Variants in STIL observed in about 807,000 individuals in gnomAD.
STIL encodes STIL centriolar assembly protein, also known as SCL-interrupting locus protein.
A neutral mutation model predicts 110.1 loss-of-function variants in STIL; 55 were observed. That is an observed-to-expected ratio of 0.50 (90% CI 0.40 to 0.63). The LOEUF (loss-of-function observed/expected upper bound fraction) is 0.63. Among genes scored for constraint, STIL ranks in the 20% least tolerant of loss-of-function variants. The pLI is 0.00. For missense variants in STIL, 1,358 were observed against 1,530.0 expected (o/e 0.89, Z 1.87); for synonymous variants, 481 against 530.0 (o/e 0.91, Z 1.27).
rs140593303 is a variant in STIL, at chr1:47,295,984, CAG to C, written c.702-138_702-137del. ...CGTTGTCTTGCACACACAAAAGAAA[CAG>C]AAACTTTTTACTGACTCAGTAAAAA... On this transcript the variant is annotated intron_variant, in intron 6 of 16. Transcript: ENST00000371877. 4.1e-3 allele frequency: 2,748 copies of C among 664,530 alleles called. 12 individuals carry two copies. The highest frequency in any genetic ancestry group is 0.011 in the African/African-American group (614 of 54,848). 41.2% of individuals were successfully genotyped at this position (664,530 alleles called of 1,614,324 possible). A position where few individuals can be genotyped will look rare whatever the true frequency, so the allele number is the denominator to read the frequency against.
rs745904390 is a variant in STIL, at chr1:47,263,045, C to A, written c.2687G>T (p.Ser896Ile). 7.4e-6 allele frequency: 12 copies of A among 1,614,076 alleles called. No homozygotes were observed. Residue 896 changes from serine to isoleucine, a missense_variant, in exon 15 of 17, where the codon AGT becomes ATT. Physicochemically the swap from Ser to Ile is moderately radical, Grantham distance 142. Coordinates refer to ENST00000371877, the MANE Select transcript of STIL (RefSeq NM_001048166.1). The stretch of plus-strand genomic sequence containing the variant: ...TCCAGTCTGTAAACACATGCTTACA[C>A]TTTCTGCCAGCTGGCCACTTGGAAA... The part of the protein sequence containing the change: ...VFFPSGQLAE[S>I]VSMCLQTGPT...
At chr1:47,305,881 G>A (rs545282584) in intron 2 of STIL, among the ~76,000 whole-genome samples, 3 of 151,514 alleles carry the variant, frequency 2.0e-5, no homozygotes, top group Admixed American at 1.3e-4. Flanking sequence ...ACAGGCGCCT[G>A]CCACCACACG....
At chr1:47,259,176 C>T (rs1359088499) in intron 16 of STIL, among the ~76,000 whole-genome samples, 4 of 150,516 alleles carry the variant, frequency 2.7e-5, no homozygotes, top group Admixed American at 6.6e-5. Flanking sequence ...TTAGTAGAGA[C>T]GGGGTTTCAC....
chr1:47,314,498 C>G (rs1334186152), upstream of STIL, among the ~76,000 whole-genome samples: 2 of 152,222 alleles, frequency 1.3e-5, no homozygotes, highest in Non-Finnish European at 2.9e-5. Flanking sequence ...CGGAAGTGCT[C>G]TATAAGATGA....
At position 47,280,429 on chromosome 1, in the gene STIL, G is replaced by T. The variant is rs185913484; in HGVS notation, c.2029C>A (p.His677Asn). Residue 677 changes from histidine to asparagine, a missense_variant, in exon 12 of 17, where the codon CAC becomes AAC. His to Asn is a moderately conservative substitution (Grantham distance 68). Transcript: ENST00000371877. The stretch of plus-strand genomic sequence containing the variant: ...ACAGGCGATGGTTCAATATTGCTGT[G>T]GGGAGAACAACTGCCCATATCTCCC... ...PQGDMGSCSP[H>N]SNIEPSPVAR... 6.2e-7 allele frequency: 1 copy of T among 1,614,214 alleles called. No homozygotes were observed. The highest frequency in any genetic ancestry group is 2.2e-5 in the East Asian group (1 of 44,888).
chr1:47,279,222 G>T (rs1645077918), intron 12 of STIL, among the ~76,000 whole-genome samples: 1 of 149,632 alleles, frequency 6.7e-6, no homozygotes, highest in Non-Finnish European at 1.5e-5. Flanking sequence ...GGCGGAGCTT[G>T]CAGTGAGCCG....
At chr1:47,254,655 C>T (rs1468287968) in intron 16 of STIL, among the ~76,000 whole-genome samples, 1 of 151,948 alleles carries the variant, frequency 6.6e-6, no homozygotes, top group African/African-American at 2.4e-5. Flanking sequence ...CTCAGCCTCC[C>T]AAGTAGCTGG....
At chr1:47,262,775 A>G (rs923938279) in intron 15 of STIL, 128 bp downstream of exon 15, 65 of 790,946 alleles carry the variant, frequency 8.2e-5, no homozygotes, top group Admixed American at 5.4e-5. Context: ...GAAAAATTAC[A>G]TTGTTAATTA....
intron 2 of STIL, among the ~76,000 whole-genome samples, chr1:47,309,322 G>C (rs1646055938): frequency 6.6e-6 from 1 of 151,872 alleles, no homozygotes; most frequent in Middle Eastern, 3.4e-3. Context: ...TGTCAACATG[G>C]GGTTTCCCCA....
At chr1:47,260,170 G>C in intron 16 of STIL, 119 bp downstream of exon 16, 1 of 1,059,388 alleles carries the variant, frequency 9.4e-7, no homozygotes, top group Non-Finnish European at 1.3e-6. Context: ...TAACTTTTCT[G>C]ATGAGATTGC....
At chr1:47,272,903 GATT>G (rs1211570521) in intron 12 of STIL, among the ~76,000 whole-genome samples, 1 of 152,092 alleles carries the variant, frequency 6.6e-6, no homozygotes, top group African/African-American at 2.4e-5. Flanking sequence ...TATCACACAA[GATT>G]ATTATAAAGG....
intron 16 of STIL, among the ~76,000 whole-genome samples, chr1:47,253,765 G>A (rs1320970128): frequency 6.6e-6 from 1 of 152,134 alleles, no homozygotes; most frequent in East Asian, 1.9e-4. Context: ...AAATTCAGCT[G>A]TTTTATATGT....
chr1:47,305,073 A>G lies in STIL; in HGVS notation c.45-77T>C, dbSNP rs781513753. ...GACATTTGGTAGGAAACAACTAACTATCTTTAAGGTGATGGTATTTTCAGA... is the reference window on the plus strand; with the variant it reads ...GACATTTGGTAGGAAACAACTAACTGTCTTTAAGGTGATGGTATTTTCAGA... On this transcript the variant is annotated intron_variant, in intron 2 of 16. Transcript: ENST00000371877. The G allele has an allele frequency of 2.5e-5, 23 of 936,186 alleles. No homozygotes were observed. The Admixed American group carries it at 4.0e-4, about 16-fold the overall frequency. 58.0% of individuals were successfully genotyped at this position (936,186 alleles called of 1,614,324 possible). A position where few individuals can be genotyped will look rare whatever the true frequency, so the allele number is the denominator to read the frequency against.
intron 16 of STIL, among the ~76,000 whole-genome samples, chr1:47,255,162 T>C (rs1644294757): frequency 6.6e-6 from 1 of 151,846 alleles, no homozygotes; most frequent in African/African-American, 2.4e-5. Flanking sequence ...AACCAAAGCA[T>C]ATAAACACTA....
chr1:47,268,306 C>T (rs1272487277), intron 14 of STIL, among the ~76,000 whole-genome samples: 2 of 151,898 alleles, frequency 1.3e-5, no homozygotes, highest in Admixed American at 6.6e-5. Flanking sequence ...ATTAGCTGGG[C>T]GTGGTGGCGC....
intron 14 of STIL, among the ~76,000 whole-genome samples, chr1:47,265,257 A>AAAAAAAAAAAAAAAG (rs1557714156): frequency 2.0e-5 from 3 of 150,870 alleles, no homozygotes; most frequent in East Asian, 4.0e-4. Context: ...AAAAAAAAAA[A>AAAAAAAAAAAAAAAG]AAACACAAGA....
intron 12 of STIL, among the ~76,000 whole-genome samples, chr1:47,277,144 A>C (rs575113281): frequency 6.6e-6 from 1 of 152,300 alleles, no homozygotes; most frequent in African/African-American, 2.4e-5. Flanking sequence ...TAAGGGCCTG[A>C]ATGATGAGAA....
chr1:47,302,602 GT>G, intron 3 of STIL, among the ~76,000 whole-genome samples: 2 of 152,228 alleles, frequency 1.3e-5, no homozygotes, highest in Admixed American at 1.3e-4. Flanking sequence ...TAGGTCTCCT[GT>G]TTTTGTAAGT....
intron 7 of STIL, 80 bp from the exon 8 acceptor site, chr1:47,293,624 G>A (rs766269778): frequency 4.4e-5 from 51 of 1,157,994 alleles, no homozygotes; most frequent in Non-Finnish European, 6.4e-5. Flanking sequence ...AGATAACAAA[G>A]TAGACGTATG....
Sources: allele counts gnomAD v4.1 joint callset (sites outside exome capture counted in the v4.1 genomes callset), GRCh38; gene constraint gnomAD v4.1.1; transcripts MANE v1.5; gene names NCBI Gene and HGNC (gene_info 2026-07-23, HGNC 2026-07-21).